The following STIM1 variants were observed in gnomAD, a reference collection of about 807,000 sequenced individuals.
The protein encoded by STIM1 is stromal interaction molecule 1.
A neutral mutation model predicts 74.7 loss-of-function variants in STIM1; 25 were observed. The observed-to-expected ratio is 0.33, with a 90% CI of 0.24 to 0.47. The LOEUF (loss-of-function observed/expected upper bound fraction) is 0.47, where lower values mean the gene tolerates loss of function less well. Among genes scored for constraint, STIM1 ranks in the 20% least tolerant of loss-of-function variants. The pLI is 1.00. For synonymous variants in STIM1, 328 were observed against 348.8 expected, an observed-to-expected ratio of 0.94 and a Z score of 0.66; for missense variants, 728 against 920.8, an observed-to-expected ratio of 0.79 and a Z score of 2.71.
chr11:3,885,932 G>A (rs1191730264), intron 1 of STIM1, among the ~76,000 whole-genome samples: 4 of 152,192 alleles, frequency 2.6e-5, no homozygotes, highest in East Asian at 1.9e-4. Context: ...GCCACTGTGC[G>A]TGGCCCCATT....
chr11:4,002,770 A>C (rs1423065528), intron 2 of STIM1, among the ~76,000 whole-genome samples: 1 of 149,762 alleles, frequency 6.7e-6, no homozygotes, highest in African/African-American at 2.4e-5. Context: ...AGACACAAAA[A>C]ACCCTTCAAA....
chr11:3,914,199 A>T (rs1458157516), intron 1 of STIM1, among the ~76,000 whole-genome samples: 2 of 152,034 alleles, frequency 1.3e-5, no homozygotes, highest in African/African-American at 4.8e-5. Context: ...CCTATTCTAG[A>T]TATTTAATTA....
intron 3 of STIM1, among the ~76,000 whole-genome samples, chr11:4,031,042 C>T (rs2094045586): frequency 6.6e-6 from 1 of 152,158 alleles, no homozygotes; most frequent in Non-Finnish European, 1.5e-5. Flanking sequence ...AAAGTTTTCT[C>T]ATAGTCCTTT....
intron 2 of STIM1, among the ~76,000 whole-genome samples, chr11:3,993,971 G>A (rs1373207584): frequency 4.6e-5 from 7 of 152,204 alleles, no homozygotes; most frequent in Admixed American, 3.3e-4. Context: ...CTGGCTCACT[G>A]TTGGTACTTT....
intron 2 of STIM1, among the ~76,000 whole-genome samples, chr11:4,013,627 T>C (rs1360869274): frequency 6.6e-6 from 1 of 151,094 alleles, no homozygotes; most frequent in Non-Finnish European, 1.5e-5. Flanking sequence ...TTATTGCATC[T>C]GTATGATTCT....
intron 2 of STIM1, among the ~76,000 whole-genome samples, chr11:3,987,526 A>G (rs933346794): frequency 3.9e-5 from 6 of 152,160 alleles, no homozygotes; most frequent in African/African-American, 1.2e-4. Context: ...GAGTGGTAAC[A>G]CTTTCCTCTG....
intron 1 of STIM1, among the ~76,000 whole-genome samples, chr11:3,912,305 C>T (rs547806748): frequency 3.0e-4 from 44 of 146,152 alleles, no homozygotes; most frequent in African/African-American, 1.1e-3. Flanking sequence ...TCTTTTTTTC[C>T]AAGCTAGCCA....
intron 4 of STIM1, among the ~76,000 whole-genome samples, chr11:4,057,527 T>C (rs118117813): frequency 0.011 from 1,709 of 152,304 alleles, 14 homozygotes; most frequent in Non-Finnish European, 0.018. Context: ...CTTACTTGTG[T>C]GTGACTTTGG....
At chr11:3,863,186 G>A (rs1216112238) in intron 1 of STIM1, among the ~76,000 whole-genome samples, 6 of 151,636 alleles carry the variant, frequency 4.0e-5, no homozygotes, top group Admixed American at 3.3e-4. Context: ...GAGCCACCAC[G>A]CCTGGCCACA....
Position 4,086,609 on chromosome 11 carries a change from T to C in STIM1, c.1634+66T>C, listed in dbSNP as rs771774440. ...GTATCTCTGCGGCGAATGCGCAGCC[T>C]TTCATCTGGACAGTCTTTCAGTTCT... is the stretch of plus-strand genomic sequence containing the variant. On this transcript the variant is annotated intron_variant, in intron 12 of 12. Coordinates refer to ENST00000526596, the MANE Select transcript of STIM1 (RefSeq NM_001382567.1). 3.7e-6 allele frequency: 6 copies of C among 1,602,836 alleles called. No individual in the cohort carries two copies. The African/African-American group carries it at 8.0e-5, about 21-fold the overall frequency.
At chr11:3,925,641 CTTTAT>C (rs1469693442) in intron 1 of STIM1, among the ~76,000 whole-genome samples, 2 of 152,068 alleles carry the variant, frequency 1.3e-5, no homozygotes, top group Non-Finnish European at 2.9e-5. Flanking sequence ...ATCATGATAG[CTTTAT>C]TTTATCATTA....
intron 2 of STIM1, among the ~76,000 whole-genome samples, chr11:3,969,709 T>G (rs1474406472): frequency 6.6e-6 from 1 of 152,058 alleles, no homozygotes; most frequent in African/African-American, 2.4e-5. Flanking sequence ...ATATAGTGGG[T>G]TGGTTTGGTT....
intron 3 of STIM1, among the ~76,000 whole-genome samples, chr11:4,031,931 T>A (rs556052019): frequency 6.6e-6 from 1 of 152,362 alleles, no homozygotes; most frequent in East Asian, 1.9e-4. Context: ...GTATTGTATC[T>A]AATAAATCTT....
At chr11:3,944,687 A>G (rs1303839874) in intron 1 of STIM1, among the ~76,000 whole-genome samples, 1 of 152,212 alleles carries the variant, frequency 6.6e-6, no homozygotes, top group Non-Finnish European at 1.5e-5. Context: ...TCATTTGTCA[A>G]GTGGGATCAG....
At chr11:3,956,476 T>C (rs1445420537) in intron 1 of STIM1, among the ~76,000 whole-genome samples, 1 of 152,160 alleles carries the variant, frequency 6.6e-6, no homozygotes, top group Non-Finnish European at 1.5e-5. Context: ...TGATGTCTAC[T>C]AGGTAGATAG....
chr11:3,924,228 TC>T (rs1173197222), intron 1 of STIM1, among the ~76,000 whole-genome samples: 2 of 149,390 alleles, frequency 1.3e-5, no homozygotes, highest in Non-Finnish European at 1.5e-5. Flanking sequence ...AGATGGAGTC[TC>T]CCTCTGTCAC....
chr11:3,996,566 G>A (rs1043477182), intron 2 of STIM1, among the ~76,000 whole-genome samples: 2 of 152,172 alleles, frequency 1.3e-5, no homozygotes, highest in Non-Finnish European at 2.9e-5. Context: ...TGAGAGAGAA[G>A]GTCTGTGTTT....
intron 1 of STIM1, among the ~76,000 whole-genome samples, chr11:3,938,252 T>G (rs572215268): frequency 6.6e-6 from 1 of 152,334 alleles, no homozygotes; most frequent in South Asian, 2.1e-4. Flanking sequence ...AGAGAAATTC[T>G]AATAGCATTG....
intron 2 of STIM1, among the ~76,000 whole-genome samples, chr11:3,991,675 G>A (rs770926811): frequency 1.3e-5 from 2 of 151,784 alleles, no homozygotes; most frequent in African/African-American, 4.8e-5. Context: ...GTGGCCGGGC[G>A]CGGTGGCTCA....
Sources: gnomAD v4.1 joint callset for allele counts (sites outside exome capture counted in the v4.1 genomes callset) on GRCh38, gnomAD v4.1.1 for gene constraint, MANE v1.5 for transcripts, NCBI Gene and HGNC (gene_info 2026-07-23, HGNC 2026-07-21) for gene names.